The following DGKI variants were observed in gnomAD, a reference collection of about 807,000 sequenced individuals.
DGKI encodes diacylglycerol kinase iota, also known as DAG kinase iota.
DGKI carries 55 observed loss-of-function variants against 147.5 expected under a neutral mutation model. The observed-to-expected ratio is 0.37, with a 90% confidence interval of 0.30 to 0.47. The LOEUF (loss-of-function observed/expected upper bound fraction) is 0.47. Among genes scored for constraint, DGKI ranks in the 20% least tolerant of loss-of-function variants. The pLI is 1.00. For missense variants in DGKI, 1,007 were observed against 1,323.8 expected, an observed-to-expected ratio of 0.76 and a Z score of 3.71; for synonymous variants, 469 against 477.1, an observed-to-expected ratio of 0.98 and a Z score of 0.22.
chr7:137,514,972 T>C (rs957456337), intron 21 of DGKI, among the ~76,000 whole-genome samples: 2 of 152,184 alleles, frequency 1.3e-5, no homozygotes, highest in African/African-American at 4.8e-5. Context: ...GCCTTCTCCA[T>C]GGCCTATAAG....
At chr7:137,649,463 A>C (rs1821946955) in intron 5 of DGKI, among the ~76,000 whole-genome samples, 1 of 152,162 alleles carries the variant, frequency 6.6e-6, no homozygotes, top group Non-Finnish European at 1.5e-5. Context: ...ATAACTTCTG[A>C]ATTATTCATA....
At chr7:137,685,926 T>C (rs1823399358) in intron 2 of DGKI, among the ~76,000 whole-genome samples, 1 of 152,174 alleles carries the variant, frequency 6.6e-6, no homozygotes, top group Middle Eastern at 3.2e-3. Flanking sequence ...AGAGATTATC[T>C]GAGTGCCTGT....
intron 32 of DGKI, among the ~76,000 whole-genome samples, chr7:137,392,291 A>G (rs1811394910): frequency 6.6e-6 from 1 of 152,190 alleles, no homozygotes; most frequent in Non-Finnish European, 1.5e-5. Flanking sequence ...GTCAGCAGTA[A>G]AGGGAGAAAG....
intron 1 of DGKI, among the ~76,000 whole-genome samples, chr7:137,800,819 C>T (rs1382479791): frequency 6.6e-6 from 1 of 152,102 alleles, no homozygotes; most frequent in Non-Finnish European, 1.5e-5. Flanking sequence ...CATTTTCTGC[C>T]CCCACCCAAT....
At chr7:137,521,989 T>C in intron 20 of DGKI, 23 bp from the exon 21 acceptor site, 1 of 1,580,906 alleles carries the variant, frequency 6.3e-7, no homozygotes, top group Non-Finnish European at 8.7e-7. Context: ...AACCGAGTGG[T>C]CAGATACAAA....
chr7:137,843,756 T>TACACACACAC (rs71177923), intron 1 of DGKI, among the ~76,000 whole-genome samples: 14,471 of 137,708 alleles, frequency 0.11, 1,068 homozygotes, highest in Non-Finnish European at 0.15. Flanking sequence ...GAGACCCCCC[T>TACACACACAC]ACACACACAC....
intron 28 of DGKI, among the ~76,000 whole-genome samples, chr7:137,413,633 T>C (rs745774252): frequency 2.0e-5 from 3 of 152,224 alleles, no homozygotes; most frequent in Non-Finnish European, 4.4e-5. Flanking sequence ...TTTATGACTG[T>C]GTAGTATTCC....
intron 21 of DGKI, among the ~76,000 whole-genome samples, chr7:137,509,416 C>T (rs1472356064): frequency 3.9e-5 from 6 of 152,092 alleles, no homozygotes; most frequent in African/African-American, 9.7e-5. Context: ...GAGAGAGATA[C>T]GAAGTCCAAG....
At chr7:137,838,217 A>G (rs1393085089) in intron 1 of DGKI, among the ~76,000 whole-genome samples, 1 of 151,902 alleles carries the variant, frequency 6.6e-6, no homozygotes, top group Non-Finnish European at 1.5e-5. Context: ...GTTGGCCAGG[A>G]TGGTCTTGAT....
intron 15 of DGKI, among the ~76,000 whole-genome samples, 171 bp downstream of exon 15, chr7:137,581,679 T>C (rs1819198295): frequency 6.6e-6 from 1 of 152,068 alleles, no homozygotes; most frequent in Non-Finnish European, 1.5e-5. Flanking sequence ...CAGGGTCCCA[T>C]TTATAAGAAG....
rs747276581 is a variant in DGKI at position 137,619,935 on chromosome 7, G to A, written c.882C>T (p.His294=). 1.2e-6 allele frequency: 2 copies of A among 1,612,874 alleles called. No individual in the cohort carries two copies. Among genetic ancestry groups the A allele is most frequent in the Non-Finnish European group, 1.7e-6 (2 of 1,179,326 alleles). ...ISCSWCKQAF[H]NKVTCFMLHH... ...GCAGCATGAAGCAGGTCACCTTATT[G>A]TGAAACTGAAGAGAAAAATAAGCCA... Residue 294 remains histidine (H), a synonymous_variant, in exon 8 of 33, where the codon CAC becomes CAT. Coordinates refer to ENST00000614521, the MANE Select transcript of DGKI (RefSeq NM_001321708.2).
At chr7:137,577,110 C>T in intron 17 of DGKI, 112 bp downstream of exon 17, 1 of 768,184 alleles carries the variant, frequency 1.3e-6, no homozygotes, top group Non-Finnish European at 2.2e-6. Flanking sequence ...ACAAAATGAT[C>T]TCCAAAGTTC....
intron 23 of DGKI, among the ~76,000 whole-genome samples, chr7:137,480,470 G>T (rs1203505836): frequency 1.3e-5 from 2 of 152,116 alleles, no homozygotes; most frequent in Non-Finnish European, 2.9e-5. Flanking sequence ...AATGCTGTTT[G>T]CCTAGAACTA....
At chr7:137,644,358 A>T (rs996967589) in intron 6 of DGKI, among the ~76,000 whole-genome samples, 1 of 152,252 alleles carries the variant, frequency 6.6e-6, no homozygotes, top group Non-Finnish European at 1.5e-5. Context: ...ATGGAGGCCT[A>T]TGCCCTGGAG....
chr7:137,420,929 G>T (rs1812544203), intron 28 of DGKI, among the ~76,000 whole-genome samples: 1 of 152,136 alleles, frequency 6.6e-6, no homozygotes, highest in Non-Finnish European at 1.5e-5. Flanking sequence ...TAAGACAAGA[G>T]AATTGCTTGA....
chr7:137,656,086 T>C (rs116507315), intron 4 of DGKI, among the ~76,000 whole-genome samples: 320 of 152,312 alleles, frequency 2.1e-3, no homozygotes, highest in African/African-American at 7.5e-3. Flanking sequence ...AAGTCAGATA[T>C]ATGTGAACAA....
At chr7:137,696,738 C>T (rs902106391) in intron 1 of DGKI, among the ~76,000 whole-genome samples, 2 of 152,176 alleles carry the variant, frequency 1.3e-5, no homozygotes, top group Non-Finnish European at 2.9e-5. Flanking sequence ...AATAATCATG[C>T]TGTTATGGGC....
chr7:137,729,296 AACTTCTCTT>A (rs1262902204), intron 1 of DGKI, among the ~76,000 whole-genome samples: 1 of 152,144 alleles, frequency 6.6e-6, no homozygotes, highest in Non-Finnish European at 1.5e-5. Flanking sequence ...CACCATGTGC[AACTTCTCTT>A]ACTCTGAGAT....
chr7:137,794,456 A>G (rs1187275506), intron 1 of DGKI, among the ~76,000 whole-genome samples: 1 of 152,264 alleles, frequency 6.6e-6, no homozygotes, highest in Non-Finnish European at 1.5e-5. Context: ...AATTGCAGGA[A>G]TCCTCCCAGG....
Sources: allele counts gnomAD v4.1 joint callset (sites outside exome capture counted in the v4.1 genomes callset), GRCh38; gene constraint gnomAD v4.1.1; transcripts MANE v1.5; gene names NCBI Gene and HGNC (gene_info 2026-07-23, HGNC 2026-07-21).